The following SETD4 variants were observed in gnomAD, a reference collection of about 807,000 sequenced individuals.
SETD4 encodes the protein SET domain-containing protein 4.
SETD4 carries 46 observed loss-of-function variants against 58.3 expected under a neutral mutation model. The ratio of observed to expected loss-of-function variants is 0.79; its 90% CI spans 0.62 to 1.01. The LOEUF (loss-of-function observed/expected upper bound fraction) is 1.01. Ranked by LOEUF, SETD4 falls within the 50% of genes least tolerant of loss-of-function variation. The pLI, the probability that SETD4 is intolerant of heterozygous loss-of-function variation, is 0.00. For missense variants in SETD4, 490 were observed against 523.3 expected (o/e 0.94, Z 0.62); for synonymous variants, 190 against 202.6 (o/e 0.94, Z 0.53).
chr21:36,052,544 C>A (rs1352278523), intron 4 of SETD4, among the ~76,000 whole-genome samples: 24 of 109,650 alleles, frequency 2.2e-4, no homozygotes, highest in Admixed American at 3.7e-4. Context: ...GGCAACAGAG[C>A]AAGACTCTGT....
At position 36,048,344 on chromosome 21, in the gene SETD4, G is replaced by A; in HGVS notation, c.260C>T (p.Thr87Ile). ...LPESCLLTTD[T>I]VIRSYLGAYI... ...TGCCCCTAAGTAGCTTCGAATCACT[G>A]TGTCCGTGGTGAGCAGGCAACTCTC... The change falls in exon 5 of 12, where the codon ACA (threonine) becomes ATA (isoleucine). Residue 87 changes from threonine (T) to isoleucine (I), a missense_variant. By Grantham distance (89) the Thr-to-Ile change is moderately conservative. Transcript: ENST00000332131. The A allele has an allele frequency of 6.2e-7, 1 of 1,614,074 alleles. No homozygotes were observed. Among genetic ancestry groups the A allele is most frequent in the Non-Finnish European group, 8.5e-7 (1 of 1,180,012 alleles).
chr21:36,039,848 G>A (rs2063960516), intron 9 of SETD4, among the ~76,000 whole-genome samples: 1 of 152,232 alleles, frequency 6.6e-6, no homozygotes, highest in South Asian at 2.1e-4. Flanking sequence ...AGAAGAACAG[G>A]CGTCACTGAA....
At chr21:36,054,766 T>C (rs1308171777) in intron 3 of SETD4, among the ~76,000 whole-genome samples, 2 of 148,944 alleles carry the variant, frequency 1.3e-5, no homozygotes, top group Non-Finnish European at 3.0e-5. Flanking sequence ...ATCAGCTTCC[T>C]GGCAGGTTGG....
intron 6 of SETD4, among the ~76,000 whole-genome samples, chr21:36,045,274 G>C (rs1336763136): frequency 2.0e-5 from 3 of 152,238 alleles, no homozygotes; most frequent in Admixed American, 1.3e-4. Context: ...CCGGAAGGAG[G>C]AACGAGGGAG....
Position 36,045,749 on chromosome 21 carries a change from C to A in SETD4, c.559G>T (p.Ala187Ser). 6.2e-7 allele frequency: 1 copy of A among 1,614,154 alleles called. No homozygotes were observed. Among genetic ancestry groups the A allele is most frequent in the Non-Finnish European group, 8.5e-7 (1 of 1,180,016 alleles). Reference sequence around the variant, plus strand: ...CTGTAGCTGAAGATGCTGTCAACAGCCTCCGCAAACAGAGGCTGCAGAGAA... The same window carrying A: ...CTGTAGCTGAAGATGCTGTCAACAGACTCCGCAAACAGAGGCTGCAGAGAA... ...FSSLQPLFAE[A>S]VDSIFSYSAL... The change falls in exon 6 of 12, where the codon GCT becomes TCT. Residue 187 changes from alanine to serine, a missense_variant. Physicochemically the swap from Ala to Ser is moderately conservative, Grantham distance 99. Coordinates refer to ENST00000332131, the MANE Select transcript of SETD4 (RefSeq NM_017438.5).
At chr21:36,053,663 T>C (rs770250415) in intron 3 of SETD4, 43 bp from the exon 4 acceptor site, 1 of 1,594,724 alleles carries the variant, frequency 6.3e-7, no homozygotes, top group South Asian at 1.1e-5. Context: ...CTACCATAAC[T>C]TCAAGGTCCC....
At chr21:36,044,289 A>T (rs973468582) in intron 6 of SETD4, among the ~76,000 whole-genome samples, 52 of 152,224 alleles carry the variant, frequency 3.4e-4, no homozygotes, top group African/African-American at 1.2e-3. Flanking sequence ...ATCTGTAAAA[A>T]GCTAGAGAGT....
At chr21:36,037,431 C>T (rs182134373) in intron 10 of SETD4, among the ~76,000 whole-genome samples, 55 of 151,330 alleles carry the variant, frequency 3.6e-4, no homozygotes, top group African/African-American at 1.3e-3. Flanking sequence ...ATGGTGAAAC[C>T]CTGTCTCTAC....
rs764570680 is a variant in SETD4 at position 36,043,793 on chromosome 21, T to C, written c.890A>G (p.Tyr297Cys). Residue 297 changes from tyrosine (Y) to cysteine (C), a missense_variant, in exon 7 of 12, where the codon TAT becomes TGT. Transcript: ENST00000332131. ...AAGTTGATTCCAACCTCTTGAGACA[T>C]AAACACAAGCATGAGGATTATGGAC... ...VSVHNPHACV[Y>C]VSREILVKYL... The C allele has an allele frequency of 5.5e-5, 88 of 1,614,128 alleles. 2 individuals are homozygous for C. In the South Asian group the frequency reaches 8.9e-4, roughly 16 times the overall value.
intron 3 of SETD4, among the ~76,000 whole-genome samples, chr21:36,054,060 G>C (rs375626996): frequency 6.6e-6 from 1 of 152,042 alleles, no homozygotes; most frequent in South Asian, 2.1e-4. Flanking sequence ...TTGATTGGCC[G>C]ACTGGCCAAT....
At chr21:36,047,662 A>T (rs1417329009) in intron 5 of SETD4, among the ~76,000 whole-genome samples, 1 of 151,922 alleles carries the variant, frequency 6.6e-6, no homozygotes, top group Non-Finnish European at 1.5e-5. Context: ...GAAGCCTATT[A>T]AAAACCTTAG....
chr21:36,041,154 CT>C (rs2064033970), intron 8 of SETD4, among the ~76,000 whole-genome samples: 3 of 106,160 alleles, frequency 2.8e-5, no homozygotes, highest in African/African-American at 3.9e-5. Flanking sequence ...AGCAAGACTC[CT>C]TCTCAAAAAA....
At chr21:36,059,972 C>G (rs1386420802) in intron 1 of SETD4, 3 of 985,602 alleles carry the variant, frequency 3.0e-6, no homozygotes, top group Non-Finnish European at 3.6e-6. Flanking sequence ...CTGAGGACCA[C>G]GTGAAGCCCG....
At chr21:36,050,252 G>A in intron 4 of SETD4, 3 of 1,509,222 alleles carry the variant, frequency 2.0e-6, no homozygotes, top group Non-Finnish European at 2.8e-6. Flanking sequence ...TGTGGTTTTT[G>A]ATAGATTGTC....
chr21:36,045,792 G>T lies in SETD4; in HGVS notation c.516C>A (p.Ser172=). The T allele has an allele frequency of 6.2e-7, 1 of 1,614,192 alleles. No individual in the cohort carries two copies. ...QRAHVQEFFA[S]SRDFFSSLQP... is the part of the protein sequence containing the mutation. ...GCAGAGAAGAGAAAAAGTCTCTGGA[G>T]GAAGCAAAGAACTCCTGCACGTGGG... is the stretch of plus-strand genomic sequence containing the variant. The change falls in exon 6 of 12, where the codon TCC becomes TCA. Residue 172 remains serine, a synonymous_variant. Coordinates refer to ENST00000332131, the MANE Select transcript of SETD4 (RefSeq NM_017438.5).
intron 8 of SETD4, among the ~76,000 whole-genome samples, 159 bp downstream of exon 8, chr21:36,041,648 C>T (rs2835243): frequency 0.42 from 64,055 of 152,072 alleles, 13,588 homozygotes; most frequent in Admixed American, 0.46. Flanking sequence ...TCCTCCACAA[C>T]ATCAAGCGCA....
intron 8 of SETD4, among the ~76,000 whole-genome samples, chr21:36,041,424 A>G (rs562102785): frequency 1.1e-3 from 174 of 152,216 alleles, no homozygotes; most frequent in African/African-American, 4.0e-3. Context: ...TCACCTCGCT[A>G]CCCACCTACC....
chr21:36,050,804 TAA>T (rs1252122129), intron 4 of SETD4: 1 of 1,611,160 alleles, frequency 6.2e-7, no homozygotes, highest in Non-Finnish European at 8.5e-7. Context: ...AGAAGTATGT[TAA>T]AGAGTCACAT....
At chr21:36,055,270 T>C (rs2064932436) in intron 3 of SETD4, among the ~76,000 whole-genome samples, 2 of 152,276 alleles carry the variant, frequency 1.3e-5, no homozygotes, top group Admixed American at 6.5e-5. Context: ...TATATTTATA[T>C]GGTAGATAGT....
Sources: allele counts gnomAD v4.1 joint callset (sites outside exome capture counted in the v4.1 genomes callset), GRCh38; gene constraint gnomAD v4.1.1; transcripts MANE v1.5; gene names NCBI Gene and HGNC (gene_info 2026-07-23, HGNC 2026-07-21).